ZFC3H1: variants seen among roughly 807,000 people sequenced by gnomAD.
ZFC3H1 encodes the protein zinc finger C3H1 domain-containing protein.
A neutral mutation model predicts 243.7 loss-of-function variants in ZFC3H1; 71 were observed. The observed-to-expected ratio is 0.29, with a 90% CI of 0.24 to 0.36. The LOEUF is 0.36. ZFC3H1 is among the 10% of genes least tolerant of loss of function. The probability of loss-of-function intolerance (pLI) is 1.00; values close to 1 mark genes in which losing one functional copy is unlikely to be tolerated. For missense variants in ZFC3H1, 1,966 were observed against 2,317.1 expected, an observed-to-expected ratio of 0.85 and a Z score of 3.11; for synonymous variants, 838 against 813.0, an observed-to-expected ratio of 1.03 and a Z score of -0.52.
rs1879753655 is a variant in ZFC3H1, at chr12:71,610,997, C to T, written c.5769+61G>A. On this transcript the variant is annotated intron_variant, in intron 33 of 34. Coordinates refer to ENST00000378743, the MANE Select transcript of ZFC3H1 (RefSeq NM_144982.5). ...CTTTAATTCTTTTAAATTGAGAAGT[C>T]AACAAAAGAGACAGAAAAACTTTTT... The T allele has an allele frequency of 9.0e-6, 14 of 1,563,132 alleles. No homozygotes were observed. In the South Asian group the frequency reaches 1.7e-4, roughly 19 times the overall value.
rs1398363125 is a variant in ZFC3H1 at position 71,611,781 on chromosome 12, A to G, written c.5729+5T>C. The G allele has an allele frequency of 6.2e-7, 1 of 1,600,238 alleles. No homozygotes were observed. Among genetic ancestry groups the G allele is most frequent in the Non-Finnish European group, 8.5e-7 (1 of 1,170,340 alleles). On this transcript the variant is annotated splice_donor_5th_base_variant and intron_variant, in intron 32 of 34. Transcript: ENST00000378743. ...ATAAAAACATGTACATGATTGTTGC[A>G]TTACATTTTCCAGGTGGCCAGGCAT...
rs747110932 is a variant in ZFC3H1, at chr12:71,623,523, C to T, written c.4581G>A (p.Leu1527=). Residue 1527 remains leucine, a synonymous_variant, in exon 24 of 35, where the codon TTG becomes TTA. Coordinates refer to ENST00000378743, the MANE Select transcript of ZFC3H1 (RefSeq NM_144982.5). ...LKTSDRCLAW[L]AYIHLIEFNI... ...TGAATTCAATAAGATGTATGTAGGC[C>T]AACCATGCCAAACATCGATCACTGG... The T allele has an allele frequency of 7.4e-6, 12 of 1,613,638 alleles. No homozygotes were observed. Among genetic ancestry groups the T allele is most frequent in the South Asian group, 4.4e-5 (4 of 91,042 alleles).
chr12:71,610,181 T>C lies in ZFC3H1; in HGVS notation c.*247A>G, dbSNP rs1256237043. 1.6e-5 allele frequency: 6 copies of C among 370,702 alleles called. No individual in the cohort carries two copies. The Admixed American group carries it at 2.6e-4, about 16-fold the overall frequency. 23.0% of individuals were successfully genotyped at this position (370,702 alleles called of 1,614,324 possible). On this transcript the variant is annotated 3_prime_UTR_variant, in exon 35 of 35. Coordinates refer to ENST00000378743, the MANE Select transcript of ZFC3H1 (RefSeq NM_144982.5). ...GTCACTTTGAGGAACTATACTTACG[T>C]ATATGATGTTATGAGAATCTGGCAG...
chr12:71,628,705 G>A (rs1001847905), intron 20 of ZFC3H1, among the ~76,000 whole-genome samples: 19 of 152,182 alleles, frequency 1.2e-4, no homozygotes, highest in Non-Finnish European at 5.9e-5. Context: ...TGCATTTACT[G>A]GAGAGGAGCC....
intron 24 of ZFC3H1, among the ~76,000 whole-genome samples, chr12:71,621,067 T>G (rs1302348760): frequency 2.0e-5 from 3 of 152,190 alleles, no homozygotes; most frequent in Non-Finnish European, 4.4e-5. Context: ...TCCAATAGAT[T>G]GTTTAAATTT....
At chr12:71,662,808 G>A (rs1271130247) in intron 1 of ZFC3H1, among the ~76,000 whole-genome samples, 5 of 152,040 alleles carry the variant, frequency 3.3e-5, no homozygotes, top group African/African-American at 9.7e-5. Flanking sequence ...TCCACAGCAC[G>A]TTAATATACC....
Position 71,624,203 on chromosome 12 carries a change from T to C in ZFC3H1, c.4407A>G (p.Thr1469=), listed in dbSNP as rs914114338. ...AAAGCTGAAAGGACAAAATATTGGATGTTTCCTGCTTGGCTGCTCCCATCA... is the reference window on the plus strand; with the variant it reads ...AAAGCTGAAAGGACAAAATATTGGACGTTTCCTGCTTGGCTGCTCCCATCA... ...EFLMGAAKQE[T]SNILSFQLLE... Residue 1469 remains threonine, a synonymous_variant, in exon 23 of 35, where the codon ACA becomes ACG. Coordinates refer to ENST00000378743, the MANE Select transcript of ZFC3H1 (RefSeq NM_144982.5). 1 of 1,614,008 alleles carries C rather than the reference T, an allele frequency of 6.2e-7. No individual in the cohort carries two copies. The highest frequency in any genetic ancestry group is 1.3e-5 in the African/African-American group (1 of 74,958).
chr12:71,615,562 G>A (rs1359881668), intron 27 of ZFC3H1, among the ~76,000 whole-genome samples: 1 of 152,108 alleles, frequency 6.6e-6, no homozygotes, highest in Non-Finnish European at 1.5e-5. Flanking sequence ...TGTCACCCAG[G>A]CTGGAGTGCA....
chr12:71,621,218 A>C (rs1434725299), intron 24 of ZFC3H1, among the ~76,000 whole-genome samples: 1 of 151,658 alleles, frequency 6.6e-6, no homozygotes, highest in Non-Finnish European at 1.5e-5. Context: ...AAAAACTGTA[A>C]AGCACCCTGT....
rs764796106 is a variant in ZFC3H1 at position 71,634,820 on chromosome 12, A to G, written c.2244T>C (p.Ala748=). ...ATTTTGGAGGTACTTTCGGTTTTGAAGCTTGCTAAAAAAAAAAAAACATTT... is the reference window on the plus strand; with the variant it reads ...ATTTTGGAGGTACTTTCGGTTTTGAGGCTTGCTAAAAAAAAAAAAACATTT... ...IKEARRTAEQ[A]SKPKVPPKSE... Residue 748 remains alanine, a synonymous_variant, in exon 11 of 35, where the codon GCT becomes GCC. Coordinates refer to ENST00000378743, the MANE Select transcript of ZFC3H1 (RefSeq NM_144982.5). 3 of 1,553,104 alleles carry G rather than the reference A, an allele frequency of 1.9e-6. No individual in the cohort carries two copies. Among genetic ancestry groups the G allele is most frequent in the Non-Finnish European group, 2.6e-6 (3 of 1,153,138 alleles).
chr12:71,621,240 T>G (rs1880017357), intron 24 of ZFC3H1, among the ~76,000 whole-genome samples: 1 of 152,186 alleles, frequency 6.6e-6, no homozygotes, highest in Non-Finnish European at 1.5e-5. Flanking sequence ...ACACAGTAAC[T>G]TCTATGTGAA....
intron 5 of ZFC3H1, 33 bp from the exon 6 acceptor site, chr12:71,642,592 A>G: frequency 1.3e-6 from 2 of 1,580,740 alleles, no homozygotes; most frequent in African/African-American, 1.4e-5. Flanking sequence ...GTTTCAAAGC[A>G]TTTTCTGTCT....
rs763061115 is a variant in ZFC3H1, at chr12:71,620,142, A to C, written c.4851-18T>G. 1 of 1,605,578 alleles carries C rather than the reference A, an allele frequency of 6.2e-7. No homozygotes were observed. The highest frequency in any genetic ancestry group is 1.7e-5 in the Admixed American group (1 of 57,602). On this transcript the variant is annotated intron_variant, in intron 25 of 34. Coordinates refer to ENST00000378743, the MANE Select transcript of ZFC3H1 (RefSeq NM_144982.5). Reference sequence around the variant, plus strand: ...CCTCATACCTTAACAAAAAAGAAAAAAAAAGGCTAAAGACATGAAAAGATC... The same window carrying C: ...CCTCATACCTTAACAAAAAAGAAAACAAAAGGCTAAAGACATGAAAAGATC...
chr12:71,646,295 C>T (rs1880728669), intron 3 of ZFC3H1, among the ~76,000 whole-genome samples: 1 of 152,138 alleles, frequency 6.6e-6, no homozygotes, highest in Non-Finnish European at 1.5e-5. Flanking sequence ...TTCTACGTCA[C>T]TTAAACGTAT....
chr12:71,638,312 G>T, intron 7 of ZFC3H1, 106 bp downstream of exon 7: 1 of 1,066,012 alleles, frequency 9.4e-7, no homozygotes, highest in Non-Finnish European at 1.4e-6. Context: ...TTCTTGGTAA[G>T]CAATTCTGAT....
chr12:71,656,828 A>T, intron 2 of ZFC3H1, 57 bp downstream of exon 2: 1 of 1,505,248 alleles, frequency 6.6e-7, no homozygotes, highest in Non-Finnish European at 8.9e-7. Flanking sequence ...CAAAACAAGT[A>T]GTTACTACTT....
chr12:71,623,916 C>T (rs1456606445), intron 23 of ZFC3H1, among the ~76,000 whole-genome samples, 188 bp downstream of exon 23: 1 of 152,090 alleles, frequency 6.6e-6, no homozygotes, highest in Admixed American at 6.5e-5. Context: ...AGATATTACA[C>T]CCATCAGGCA....
chr12:71,632,628 A>T (rs1880352275), intron 14 of ZFC3H1, 114 bp from the exon 15 acceptor site: 1 of 1,324,394 alleles, frequency 7.6e-7, no homozygotes, highest in Admixed American at 2.9e-5. Flanking sequence ...AAACTAAATC[A>T]ATATGGAGAA....
intron 1 of ZFC3H1, among the ~76,000 whole-genome samples, chr12:71,657,679 A>T (rs1051914342): frequency 1.3e-5 from 2 of 152,168 alleles, no homozygotes; most frequent in African/African-American, 4.8e-5. Context: ...ATGCTTTGTC[A>T]CAGATGCGGA....
Sources: allele counts gnomAD v4.1 joint callset (sites outside exome capture counted in the v4.1 genomes callset), GRCh38; gene constraint gnomAD v4.1.1; transcripts MANE v1.5; gene names NCBI Gene and HGNC (gene_info 2026-07-23, HGNC 2026-07-21).